CFAP20: variants seen among roughly 807,000 people sequenced by gnomAD.
CFAP20 encodes the protein cilia and flagella associated protein 20.
CFAP20 carries 14 observed loss-of-function variants against 25.5 expected under a neutral mutation model. That is an observed-to-expected ratio of 0.55 (90% CI 0.36 to 0.86). The LOEUF is 0.86. Ranked by LOEUF, CFAP20 falls within the 40% of genes least tolerant of loss-of-function variation. CFAP20 has a pLI of 0.01. For missense variants in CFAP20, 181 were observed against 248.0 expected, an observed-to-expected ratio of 0.73 and a Z score of 1.81; for synonymous variants, 75 against 91.1, an observed-to-expected ratio of 0.82 and a Z score of 1.01.
At chr16:58,114,356 C>A (rs976111694) in intron 5 of CFAP20, among the ~76,000 whole-genome samples, 4 of 151,920 alleles carry the variant, frequency 2.6e-5, no homozygotes, top group Non-Finnish European at 4.4e-5. Flanking sequence ...GGTGAAACCC[C>A]GTCTCTATAA....
At position 58,125,394 on chromosome 16, in the gene CFAP20, T is replaced by G. The variant is rs896791564; in HGVS notation, c.84+3638A>C. On this transcript the variant is annotated intron_variant, in intron 1 of 5. Transcript: ENST00000262498. Reference sequence around the variant, plus strand: ...TGTTAAGTAGGAGTACATTCTAAAATTATGATAAGGCCAGGCACGGGAACT... The same window carrying G: ...TGTTAAGTAGGAGTACATTCTAAAAGTATGATAAGGCCAGGCACGGGAACT... Among the ~76,000 whole-genome samples the G allele has an allele frequency of 4.6e-5, 7 of 152,232 alleles. 1 individual carries two copies. The South Asian group carries it at 1.2e-3, about 27-fold the overall frequency.
rs867202776 is a variant in CFAP20 at position 58,129,310 on chromosome 16, T to C, written c.-195A>G. On this transcript the variant is annotated 5_prime_UTR_variant, in exon 1 of 6. Transcript: ENST00000262498. ...CAACGCTAAGTCCGCGATCTTCAGCTCCTAAGCTGCGAGCTCAGAACGGAA... is the reference window on the plus strand; with the variant it reads ...CAACGCTAAGTCCGCGATCTTCAGCCCCTAAGCTGCGAGCTCAGAACGGAA... The C allele has an allele frequency of 3.1e-5, 18 of 578,598 alleles. No individual in the cohort carries two copies. Among genetic ancestry groups the C allele is most frequent in the African/African-American group, 3.0e-4 (16 of 53,366 alleles). The allele number at this position is 578,598 out of a possible 1,614,324, so 35.8% of individuals were successfully genotyped here. A position where few individuals can be genotyped will look rare whatever the true frequency, so the allele number is the denominator to read the frequency against.
chr16:58,128,201 T>C (rs941197447), intron 1 of CFAP20, among the ~76,000 whole-genome samples: 4 of 152,154 alleles, frequency 2.6e-5, no homozygotes, highest in Non-Finnish European at 5.9e-5. Flanking sequence ...GCTAGATCTT[T>C]CTTCACATCT....
rs576289782 is a variant in CFAP20, at chr16:58,115,380, G to A, written c.354C>T (p.Ile118=). The A allele has an allele frequency of 1.4e-5, 23 of 1,614,258 alleles. No individual in the cohort carries two copies. In the East Asian group the frequency reaches 4.7e-4, roughly 33 times the overall value. Residue 118 remains isoleucine (I), a synonymous_variant, in exon 4 of 6, where the codon ATC becomes ATT. Coordinates refer to ENST00000262498, the MANE Select transcript of CFAP20 (RefSeq NM_013242.3). ...YQSTTRVKPF[I]CTMPMRLDDG... is the part of the protein sequence containing the mutation. The stretch of plus-strand genomic sequence containing the variant: ...CATCCAGCCGCATGGGCATGGTGCA[G>A]ATGAAGGGTTTGACCCGGGTGGTGC...
chr16:58,117,133 T>C, intron 1 of CFAP20, 182 bp from the exon 2 acceptor site: 1 of 551,498 alleles, frequency 1.8e-6, no homozygotes, highest in Non-Finnish European at 3.2e-6. Context: ...ACCAAGGGAA[T>C]CCCAGGTAAC....
rs1034007994 is a variant in CFAP20 at position 58,113,785 on chromosome 16, C to A, written c.*240G>T. On this transcript the variant is annotated 3_prime_UTR_variant, in exon 6 of 6. Transcript: ENST00000262498. ...TCTCCCCCCACACTGGGGCAGGCGG[C>A]GGAATAAGCTCCAGCGTTCATGCGC... 3.9e-6 allele frequency: 2 copies of A among 509,860 alleles called. No individual in the cohort carries two copies. The highest frequency in any genetic ancestry group is 3.2e-5 in the East Asian group (1 of 31,300). The allele number at this position is 509,860 out of a possible 1,614,324, so 31.6% of individuals were successfully genotyped here.
intron 1 of CFAP20, among the ~76,000 whole-genome samples, chr16:58,121,692 T>G (rs1960537353): frequency 6.6e-6 from 1 of 152,110 alleles, no homozygotes; most frequent in South Asian, 2.1e-4. Flanking sequence ...TTCAGGCCAG[T>G]CTTACAATCA....
At chr16:58,124,446 G>A (rs1164249802) in intron 1 of CFAP20, among the ~76,000 whole-genome samples, 1 of 152,156 alleles carries the variant, frequency 6.6e-6, no homozygotes. Context: ...CAGTTCCATG[G>A]CTGTGTGAAT....
In CFAP20 at chr16:58,115,327, A is replaced by C; in HGVS notation, c.407T>G (p.Leu136Trp). ...DDGWNQIQFN[L>W]LDFTRRAYGT... ...GTATGCTCGCCGTGTGAAGTCTAGC[A>C]AGTTGAACTGAATCTGGTTCCAGCC... is the stretch of plus-strand genomic sequence containing the variant. The change falls in exon 4 of 6, where the codon TTG becomes TGG. Residue 136 changes from leucine to tryptophan, a missense_variant. Physicochemically the swap from Leu to Trp is moderately conservative, Grantham distance 61. Coordinates refer to ENST00000262498, the MANE Select transcript of CFAP20 (RefSeq NM_013242.3). The C allele has an allele frequency of 1.2e-6, 2 of 1,614,218 alleles. No individual in the cohort carries two copies. The highest frequency in any genetic ancestry group is 2.2e-5 in the South Asian group (2 of 91,086).
chr16:58,121,125 G>C (rs898845696), intron 1 of CFAP20, among the ~76,000 whole-genome samples: 2 of 152,154 alleles, frequency 1.3e-5, no homozygotes, highest in Non-Finnish European at 2.9e-5. Context: ...AGGATCAAAG[G>C]GGAGAGGCGA....
intron 1 of CFAP20, among the ~76,000 whole-genome samples, chr16:58,121,720 T>C (rs1960537773): frequency 6.6e-6 from 1 of 152,022 alleles, no homozygotes; most frequent in Admixed American, 6.6e-5. Flanking sequence ...AGGCTTTCCA[T>C]GGTTGCTAGG....
chr16:58,117,032 A>T, intron 1 of CFAP20, 81 bp from the exon 2 acceptor site: 4 of 1,301,354 alleles, frequency 3.1e-6, no homozygotes, highest in Non-Finnish European at 4.4e-6. Flanking sequence ...ACGGTAGCCC[A>T]AGAGGCGTAC....
At chr16:58,122,696 T>C (rs1960550381) in intron 1 of CFAP20, among the ~76,000 whole-genome samples, 1 of 152,252 alleles carries the variant, frequency 6.6e-6, no homozygotes, top group Non-Finnish European at 1.5e-5. Flanking sequence ...ACCACCTTTA[T>C]GTCCAAATAC....
chr16:58,118,911 G>C (rs1041467224), intron 1 of CFAP20, among the ~76,000 whole-genome samples: 1 of 152,124 alleles, frequency 6.6e-6, no homozygotes. Flanking sequence ...TTTAGAACAG[G>C]AGACATCAGA....
At chr16:58,126,166 G>A (rs1027068753) in intron 1 of CFAP20, among the ~76,000 whole-genome samples, 10 of 152,138 alleles carry the variant, frequency 6.6e-5, no homozygotes, top group Non-Finnish European at 1.5e-5. Flanking sequence ...GAGGTTTTTC[G>A]GTAAGGTACT....
chr16:58,129,037 T>A lies in CFAP20; in HGVS notation c.79A>T (p.Lys27Ter), dbSNP rs1054935760. ...GTCGCCGCCCCTAGCCCGACCTTTT[T>A]GTCCCAGATTTGCAGAGGCTTGCTG... ...IGSKPLQIWD[K>*]KVRNGHIKRI... The change falls in exon 1 of 6, where the codon AAA becomes TAA. Residue 27 changes from lysine (K) to a stop codon, truncating the protein, a stop_gained. Coordinates refer to ENST00000262498, the MANE Select transcript of CFAP20 (RefSeq NM_013242.3). LOFTEE classifies it high-confidence loss of function. The A allele has an allele frequency of 1.2e-6, 2 of 1,613,590 alleles. No individual in the cohort carries two copies. Among genetic ancestry groups the A allele is most frequent in the Non-Finnish European group, 1.7e-6 (2 of 1,179,934 alleles).
At chr16:58,114,165 C>A in intron 5 of CFAP20, 135 bp from the exon 6 acceptor site, 5 of 961,182 alleles carry the variant, frequency 5.2e-6, no homozygotes, top group Admixed American at 5.2e-5. Context: ...CTGCAGCACA[C>A]AGGCAGGGAA....
rs529377647 is a variant in CFAP20 at position 58,113,863 on chromosome 16, C to G, written c.*162G>C. On this transcript the variant is annotated 3_prime_UTR_variant, in exon 6 of 6. Transcript: ENST00000262498. ...CACTTACAATGCAGTCACAGAGTTA[C>G]GGCATGTTCACCGGTGTCCATGACA... is the stretch of plus-strand genomic sequence containing the variant. The G allele has an allele frequency of 2.5e-6, 2 of 786,916 alleles. No individual in the cohort carries two copies. Among genetic ancestry groups the G allele is most frequent in the South Asian group, 1.6e-5 (1 of 62,408 alleles). The allele number at this position is 786,916 out of a possible 1,614,324, so 48.7% of individuals were successfully genotyped here. A position where few individuals can be genotyped will look rare whatever the true frequency, so the allele number is the denominator to read the frequency against.
intron 1 of CFAP20, among the ~76,000 whole-genome samples, chr16:58,127,980 G>A (rs950542613): frequency 6.6e-6 from 1 of 152,116 alleles, no homozygotes; most frequent in Non-Finnish European, 1.5e-5. Context: ...AAATCCTACT[G>A]AGATTATTCC....
Sources: allele counts gnomAD v4.1 joint callset (sites outside exome capture counted in the v4.1 genomes callset), GRCh38; gene constraint gnomAD v4.1.1; transcripts MANE v1.5; gene names NCBI Gene and HGNC (gene_info 2026-07-23, HGNC 2026-07-21).